Variants in TEKT5 observed in about 807,000 individuals in gnomAD.
The protein encoded by TEKT5 is tektin 5.
A neutral mutation model predicts 48.7 loss-of-function variants in TEKT5; 52 were observed. The observed-to-expected ratio is 1.07, with a 90% confidence interval of 0.86 to 1.35. The LOEUF (loss-of-function observed/expected upper bound fraction) is 1.35, where lower values mean the gene tolerates loss of function less well. Among genes scored for constraint, TEKT5 ranks in the 40% most tolerant of loss-of-function variants. The pLI is 0.00. For missense variants in TEKT5, 831 were observed against 641.6 expected (o/e 1.30, Z -3.19); for synonymous variants, 318 against 267.6 (o/e 1.19, Z -1.84).
chr16:10,678,925 T>C (rs993188699), intron 4 of TEKT5, among the ~76,000 whole-genome samples: 7 of 152,262 alleles, frequency 4.6e-5, no homozygotes, highest in African/African-American at 1.7e-4. Flanking sequence ...TCTCTAAAGA[T>C]GGAGAGGACA....
chr16:10,692,217 A>G (rs1898992608), intron 1 of TEKT5, among the ~76,000 whole-genome samples: 1 of 152,122 alleles, frequency 6.6e-6, no homozygotes, highest in Non-Finnish European at 1.5e-5. Flanking sequence ...TGAGAAGAGA[A>G]TGGGAGGGAG....
At chr16:10,665,081 A>G (rs1293399964) in intron 5 of TEKT5, among the ~76,000 whole-genome samples, 1 of 152,178 alleles carries the variant, frequency 6.6e-6, no homozygotes, top group Non-Finnish European at 1.5e-5. Flanking sequence ...GGGACACAGA[A>G]GGTGGAGATG....
intron 5 of TEKT5, among the ~76,000 whole-genome samples, chr16:10,646,104 T>C (rs1567226652): frequency 2.6e-5 from 4 of 151,470 alleles, no homozygotes; most frequent in Non-Finnish European, 4.4e-5. Context: ...TACTGCATTC[T>C]AGCCTGGCCA....
Position 10,694,690 on chromosome 16 carries a change from G to A in TEKT5, c.184C>T (p.Gln62Ter), listed in dbSNP as rs1006799279. ...CTGGTGCTCTCGTCCGGGCAGGTCT[G>A]GACGTTGGCTATCTTGTAGAAGAGG... ...PSLFYKIANVQTCPDESTSTL... is the reference protein window; with the variant it reads ...PSLFYKIANV The change falls in exon 1 of 7, where the codon CAG (glutamine) becomes TAG (stop). Residue 62 changes from glutamine (Q) to a stop codon, truncating the protein, a stop_gained. Coordinates refer to ENST00000283025, the MANE Select transcript of TEKT5 (RefSeq NM_144674.2). LOFTEE classifies it high-confidence loss of function. 8 of 1,613,600 alleles carry A rather than the reference G, an allele frequency of 5.0e-6. No homozygotes were observed. In the African/African-American group the frequency reaches 1.1e-4, roughly 22 times the overall value.
At chr16:10,638,876 G>A (rs1018050401) in intron 5 of TEKT5, among the ~76,000 whole-genome samples, 1 of 152,202 alleles carries the variant, frequency 6.6e-6, no homozygotes, top group African/African-American at 2.4e-5. Context: ...AGACTATGAT[G>A]TAAAACAAAA....
chr16:10,651,964 A>G (rs1010902047), intron 5 of TEKT5, among the ~76,000 whole-genome samples: 2 of 151,912 alleles, frequency 1.3e-5, no homozygotes, highest in Non-Finnish European at 2.9e-5. Context: ...TCCATCTCAA[A>G]AAAATAAAAA....
chr16:10,678,562 C>T (rs1176057192), intron 4 of TEKT5, among the ~76,000 whole-genome samples: 1 of 152,168 alleles, frequency 6.6e-6, no homozygotes, highest in Admixed American at 6.5e-5. Flanking sequence ...AAGTCAGGTT[C>T]AGAGCTTTCA....
intron 5 of TEKT5, among the ~76,000 whole-genome samples, chr16:10,645,049 C>T (rs988204703): frequency 2.6e-5 from 4 of 152,194 alleles, no homozygotes; most frequent in African/African-American, 9.6e-5. Flanking sequence ...CTCACCAGAA[C>T]CCGATCATGC....
At chr16:10,669,221 A>G (rs1206591124) in intron 5 of TEKT5, among the ~76,000 whole-genome samples, 4 of 152,052 alleles carry the variant, frequency 2.6e-5, no homozygotes, top group Non-Finnish European at 5.9e-5. Context: ...TAATCCTAGC[A>G]CTTTGGGAGG....
chr16:10,629,438 A>T (rs894403943), intron 6 of TEKT5, among the ~76,000 whole-genome samples: 1 of 152,002 alleles, frequency 6.6e-6, no homozygotes, highest in African/African-American at 2.4e-5. Context: ...TTTAGTAGAG[A>T]CAGTGTTTCA....
At chr16:10,678,779 C>T (rs1898694282) in intron 4 of TEKT5, among the ~76,000 whole-genome samples, 2 of 152,218 alleles carry the variant, frequency 1.3e-5, no homozygotes, top group South Asian at 4.1e-4. Flanking sequence ...TCCTCCCCTG[C>T]AGCAGGCAGC....
chr16:10,641,947 G>T (rs1198147426), intron 5 of TEKT5, among the ~76,000 whole-genome samples: 2 of 152,244 alleles, frequency 1.3e-5, no homozygotes, highest in African/African-American at 4.8e-5. Flanking sequence ...CGCAGAGAGC[G>T]ACAAGCTCTG....
chr16:10,677,622 A>G (rs1898671574), intron 4 of TEKT5, among the ~76,000 whole-genome samples: 1 of 135,732 alleles, frequency 7.4e-6, no homozygotes, highest in African/African-American at 3.3e-5. Flanking sequence ...CAACAAAAAA[A>G]TAAAAAGAAA....
chr16:10,667,590 C>T lies in TEKT5; in HGVS notation c.1086+8369G>A, dbSNP rs570944009. Among the ~76,000 whole-genome samples the T allele has an allele frequency of 2.0e-5, 3 of 152,338 alleles. No individual in the cohort carries two copies. In the East Asian group the frequency reaches 5.8e-4, roughly 29 times the overall value. ...TTCTGGTTCAGGGGGCTGCCCAATT[C>T]ACGAATCATTCTTTGCTCAATTAAA... On this transcript the variant is annotated intron_variant, in intron 5 of 6. Coordinates refer to ENST00000283025, the MANE Select transcript of TEKT5 (RefSeq NM_144674.2).
At chr16:10,627,998 C>T (rs956484311) in intron 6 of TEKT5, among the ~76,000 whole-genome samples, 199 bp from the exon 7 acceptor site, 1 of 148,792 alleles carries the variant, frequency 6.7e-6, no homozygotes, top group East Asian at 2.0e-4. Context: ...CACCACAACA[C>T]CCAGCTAATT....
chr16:10,628,300 T>G (rs1380194760), intron 6 of TEKT5, among the ~76,000 whole-genome samples: 2 of 152,102 alleles, frequency 1.3e-5, no homozygotes, highest in Admixed American at 6.5e-5. Flanking sequence ...ACAAGAGAAC[T>G]GTCAAGGGTA....
At chr16:10,642,971 T>G (rs1290056206) in intron 5 of TEKT5, among the ~76,000 whole-genome samples, 1 of 152,176 alleles carries the variant, frequency 6.6e-6, no homozygotes, top group Non-Finnish European at 1.5e-5. Flanking sequence ...AGAAGGCGGA[T>G]AGTGGATGTT....
At chr16:10,683,057 G>A (rs576250164) in intron 3 of TEKT5, among the ~76,000 whole-genome samples, 54 of 152,242 alleles carry the variant, frequency 3.5e-4, no homozygotes, top group African/African-American at 1.3e-3. Context: ...GAATGGTAAG[G>A]GCATTGTGCA....
chr16:10,648,338 GAC>G (rs1233258256), intron 5 of TEKT5, among the ~76,000 whole-genome samples: 93 of 151,170 alleles, frequency 6.2e-4, no homozygotes, highest in African/African-American at 2.2e-3. Flanking sequence ...TTTTTTTTGA[GAC>G]AGAGTCTTGC....
Sources: gnomAD v4.1 joint callset for allele counts (sites outside exome capture counted in the v4.1 genomes callset) on GRCh38, gnomAD v4.1.1 for gene constraint, MANE v1.5 for transcripts, NCBI Gene and HGNC (gene_info 2026-07-23, HGNC 2026-07-21) for gene names.